CDKAL1: variants seen among roughly 807,000 people sequenced by gnomAD.
The protein encoded by CDKAL1 is CDKAL1 threonylcarbamoyladenosine tRNA methylthiotransferase.
A neutral mutation model predicts 68.2 loss-of-function variants in CDKAL1; 32 were observed. The observed-to-expected ratio is 0.47, with a 90% CI of 0.35 to 0.63. The LOEUF is 0.63. Among genes scored for constraint, CDKAL1 ranks in the 30% least tolerant of loss-of-function variants. CDKAL1 has a pLI of 0.00. For missense variants in CDKAL1, 606 were observed against 696.7 expected, an observed-to-expected ratio of 0.87 and a Z score of 1.47; for synonymous variants, 234 against 244.3, an observed-to-expected ratio of 0.96 and a Z score of 0.39.
At chr6:20,620,432 A>G (rs1205139840) in intron 4 of CDKAL1, among the ~76,000 whole-genome samples, 12 of 152,192 alleles carry the variant, frequency 7.9e-5, no homozygotes. Flanking sequence ...TGCATATATC[A>G]TCTTTAATCT....
chr6:21,033,628 G>C (rs906268285), intron 11 of CDKAL1, among the ~76,000 whole-genome samples: 5 of 152,064 alleles, frequency 3.3e-5, no homozygotes, highest in African/African-American at 1.2e-4. Flanking sequence ...GCAAGAGAAG[G>C]CCTTGGCATA....
intron 4 of CDKAL1, among the ~76,000 whole-genome samples, chr6:20,565,918 T>C (rs764551564): frequency 1.4e-4 from 22 of 152,158 alleles, no homozygotes; most frequent in Non-Finnish European, 2.6e-4. Flanking sequence ...AAAGGCTTTT[T>C]TCCTAAATGA....
chr6:20,885,663 A>C (rs1384772014), intron 9 of CDKAL1, among the ~76,000 whole-genome samples: 1 of 152,230 alleles, frequency 6.6e-6, no homozygotes, highest in Non-Finnish European at 1.5e-5. Flanking sequence ...ATTTGACTTC[A>C]TCAGACTTTA....
intron 4 of CDKAL1, among the ~76,000 whole-genome samples, chr6:20,610,284 G>A (rs994905088): frequency 3.9e-5 from 6 of 152,086 alleles, no homozygotes; most frequent in African/African-American, 7.2e-5. Flanking sequence ...TATTTCCATG[G>A]ATATCTGCCC....
At chr6:20,997,432 C>A (rs777444322) in intron 10 of CDKAL1, among the ~76,000 whole-genome samples, 1 of 145,040 alleles carries the variant, frequency 6.9e-6, no homozygotes, top group African/African-American at 2.6e-5. Context: ...AATTAAGGGG[C>A]AAGTGTATTT....
At chr6:21,114,930 G>C (rs980886375) in intron 13 of CDKAL1, among the ~76,000 whole-genome samples, 1 of 152,012 alleles carries the variant, frequency 6.6e-6, no homozygotes, top group East Asian at 1.9e-4. Context: ...ATATCTGCTA[G>C]TGTACAGGGA....
At chr6:20,788,933 C>T (rs1355919724) in intron 8 of CDKAL1, among the ~76,000 whole-genome samples, 1 of 152,182 alleles carries the variant, frequency 6.6e-6, no homozygotes, top group African/African-American at 2.4e-5. Flanking sequence ...GTGTCTTTCT[C>T]ACAGTATTCA....
intron 9 of CDKAL1, among the ~76,000 whole-genome samples, chr6:20,855,349 A>G (rs966143121): frequency 1.4e-5 from 2 of 143,696 alleles, no homozygotes; most frequent in Non-Finnish European, 3.0e-5. Flanking sequence ...AAGCTGAGGC[A>G]GGAGAATCGC....
chr6:20,665,656 A>G (rs1317363176), intron 5 of CDKAL1, among the ~76,000 whole-genome samples: 1 of 142,984 alleles, frequency 7.0e-6, no homozygotes, highest in East Asian at 2.0e-4. Context: ...CTTAATGTCA[A>G]TGATAAGTTC....
At chr6:20,947,030 C>T (rs1216505424) in intron 9 of CDKAL1, among the ~76,000 whole-genome samples, 1 of 152,132 alleles carries the variant, frequency 6.6e-6, no homozygotes, top group Non-Finnish European at 1.5e-5. Flanking sequence ...GACCTTATCT[C>T]TAAGGTTTAG....
intron 6 of CDKAL1, among the ~76,000 whole-genome samples, chr6:20,748,953 G>GTA (rs1003226732): frequency 7.9e-5 from 12 of 151,624 alleles, no homozygotes; most frequent in South Asian, 2.1e-4. Context: ...GCATGTATGT[G>GTA]TATATATATA....
chr6:21,129,578 T>C (rs1383311574), intron 13 of CDKAL1, among the ~76,000 whole-genome samples: 2 of 150,732 alleles, frequency 1.3e-5, no homozygotes, highest in East Asian at 3.9e-4. Context: ...CTTCGATGTG[T>C]GTAGACTCAG....
chr6:20,951,910 C>G (rs957850086), intron 9 of CDKAL1, among the ~76,000 whole-genome samples: 1 of 151,390 alleles, frequency 6.6e-6, no homozygotes, highest in African/African-American at 2.4e-5. Context: ...AATGGGCATT[C>G]ACTTCTCTTA....
At chr6:20,657,346 C>T (rs1029760710) in intron 5 of CDKAL1, among the ~76,000 whole-genome samples, 2 of 152,164 alleles carry the variant, frequency 1.3e-5, no homozygotes, top group Non-Finnish European at 2.9e-5. Context: ...CCTTTATACC[C>T]AAATGTAAAG....
At chr6:21,213,326 G>A (rs1779230424) in intron 15 of CDKAL1, among the ~76,000 whole-genome samples, 2 of 152,138 alleles carry the variant, frequency 1.3e-5, no homozygotes, top group Non-Finnish European at 2.9e-5. Context: ...GTGGAGTGGG[G>A]GGCATGGTGA....
chr6:21,197,086 A>C (rs1346774223), intron 13 of CDKAL1, among the ~76,000 whole-genome samples: 4 of 151,820 alleles, frequency 2.6e-5, no homozygotes, highest in Non-Finnish European at 5.9e-5. Context: ...TGAACCCGGG[A>C]GGCGGAATTT....
intron 4 of CDKAL1, among the ~76,000 whole-genome samples, chr6:20,560,961 A>G (rs1397323487): frequency 1.3e-5 from 2 of 152,238 alleles, no homozygotes; most frequent in East Asian, 3.8e-4. Context: ...CTCCTTGCAT[A>G]AAATGTAGCT....
chr6:20,643,689 T>C (rs1768297357), intron 4 of CDKAL1, among the ~76,000 whole-genome samples: 1 of 152,258 alleles, frequency 6.6e-6, no homozygotes, highest in South Asian at 2.1e-4. Flanking sequence ...TGATTGTGGG[T>C]TGGCTCAGAG....
chr6:20,617,040 G>A (rs371196485), intron 4 of CDKAL1, among the ~76,000 whole-genome samples: 97 of 137,138 alleles, frequency 7.1e-4, no homozygotes, highest in East Asian at 1.3e-3. Flanking sequence ...TTCTGTCTCA[G>A]AAGAAAAAAA....
Sources: allele counts gnomAD v4.1 joint callset (sites outside exome capture counted in the v4.1 genomes callset), GRCh38; gene constraint gnomAD v4.1.1; transcripts MANE v1.5; gene names NCBI Gene and HGNC (gene_info 2026-07-23, HGNC 2026-07-21).